The following PAFAH1B1 variants were observed in gnomAD, a reference collection of about 807,000 sequenced individuals.
PAFAH1B1 encodes the protein platelet activating factor acetylhydrolase 1b regulatory subunit 1.
In PAFAH1B1, 2 loss-of-function variants were observed where a neutral mutation model predicts 57.5. That is an observed-to-expected ratio of 0.03 (90% CI 0.01 to 0.11). The LOEUF (loss-of-function observed/expected upper bound fraction) is 0.11. PAFAH1B1 is among the 10% of genes least tolerant of loss of function. The pLI, the probability that PAFAH1B1 is intolerant of heterozygous loss-of-function variation, is 1.00. For synonymous variants in PAFAH1B1, 152 were observed against 169.6 expected, an observed-to-expected ratio of 0.90 and a Z score of 0.81; for missense variants, 257 against 512.0, an observed-to-expected ratio of 0.50 and a Z score of 4.81.
intron 2 of PAFAH1B1, among the ~76,000 whole-genome samples, chr17:2,652,070 T>A (rs1218088364): frequency 6.6e-6 from 1 of 152,216 alleles, no homozygotes; most frequent in African/African-American, 2.4e-5. Flanking sequence ...TACAATTATA[T>A]AGCTTGTATC....
intron 7 of PAFAH1B1, among the ~76,000 whole-genome samples, chr17:2,673,052 G>A (rs184422394): frequency 8.6e-5 from 13 of 151,934 alleles, no homozygotes; most frequent in Admixed American, 6.6e-4. Context: ...TGGGCAACAA[G>A]AGTGAGACTC....
chr17:2,665,357 G>A lies in PAFAH1B1; in HGVS notation c.33-15G>A, dbSNP rs1442743507. On this transcript the variant is annotated splice_polypyrimidine_tract_variant and intron_variant, in intron 2 of 10. Coordinates refer to ENST00000397195, the MANE Select transcript of PAFAH1B1 (RefSeq NM_000430.4). ...GAGGTCTTTTTTTTAGGAGTCATTTGAATTTTTCTTTCAGAAATCGAGCTA... is the reference window on the plus strand; with the variant it reads ...GAGGTCTTTTTTTTAGGAGTCATTTAAATTTTTCTTTCAGAAATCGAGCTA... 6.7e-7 allele frequency: 1 copy of A among 1,494,678 alleles called. No homozygotes were observed. Among genetic ancestry groups the A allele is most frequent in the East Asian group, 2.3e-5 (1 of 44,248 alleles). 92.6% of individuals were successfully genotyped at this position (1,494,678 alleles called of 1,614,324 possible). A position where few individuals can be genotyped will look rare whatever the true frequency, so the allele number is the denominator to read the frequency against.
At chr17:2,646,229 G>A (rs571353446) in intron 2 of PAFAH1B1, among the ~76,000 whole-genome samples, 1 of 152,032 alleles carries the variant, frequency 6.6e-6, no homozygotes, top group African/African-American at 2.4e-5. Context: ...TTTTTAAAAA[G>A]ACCAGTAAAA....
At chr17:2,659,075 A>G (rs1567551233) in intron 2 of PAFAH1B1, among the ~76,000 whole-genome samples, 1 of 151,932 alleles carries the variant, frequency 6.6e-6, no homozygotes, top group East Asian at 1.9e-4. Flanking sequence ...ACATGGCAAA[A>G]CCCCGTCTCT....
intron 9 of PAFAH1B1, among the ~76,000 whole-genome samples, chr17:2,679,349 AT>A (rs1567562636): frequency 5.7e-5 from 8 of 140,710 alleles, no homozygotes. Flanking sequence ...TGGATGGATG[AT>A]TAAATGGATG....
intron 9 of PAFAH1B1, among the ~76,000 whole-genome samples, chr17:2,677,014 G>A (rs1484863521): frequency 2.6e-5 from 4 of 152,160 alleles, no homozygotes; most frequent in South Asian, 2.1e-4. Flanking sequence ...TTAGCTGGGC[G>A]TGGTGGCGGG....
At chr17:2,658,075 A>C (rs2151651458) in intron 2 of PAFAH1B1, among the ~76,000 whole-genome samples, 2 of 152,298 alleles carry the variant, frequency 1.3e-5, no homozygotes, top group South Asian at 4.1e-4. Context: ...GTTGTAAATT[A>C]TGCTGAACAA....
In PAFAH1B1 at chr17:2,672,823, G is replaced by C. The variant is rs184798111; in HGVS notation, c.671+66G>C. The stretch of plus-strand genomic sequence containing the variant: ...AGTGGCTCACACCTGTCATCCCAGC[G>C]CTTTGGGAGGCCAAGGTGGGCAGAT... On this transcript the variant is annotated intron_variant, in intron 7 of 10. Coordinates refer to ENST00000397195, the MANE Select transcript of PAFAH1B1 (RefSeq NM_000430.4). The C allele has an allele frequency of 3.1e-6, 3 of 977,732 alleles. No individual in the cohort carries two copies. The African/African-American group carries it at 4.9e-5, about 16-fold the overall frequency. The allele number at this position is 977,732 out of a possible 1,614,324, so 60.6% of individuals were successfully genotyped here. A position where few individuals can be genotyped will look rare whatever the true frequency, so the allele number is the denominator to read the frequency against.
Position 2,680,251 on chromosome 17 carries a change from G to T in PAFAH1B1, c.1090G>T (p.Val364Leu), listed in dbSNP as rs768778197. ...LSCADDKTLR[V>L]WDYKNKRCMK... ...TTGTGCTGATGACAAGACCCTACGC[G>T]TATGGGATTACAAGAACAAGCGATG... Residue 364 changes from valine (V) to leucine (L), a missense_variant, in exon 10 of 11, where the codon GTA (valine) becomes TTA (leucine). Coordinates refer to ENST00000397195, the MANE Select transcript of PAFAH1B1 (RefSeq NM_000430.4). 1.2e-6 allele frequency: 2 copies of T among 1,614,046 alleles called. No individual in the cohort carries two copies. The highest frequency in any genetic ancestry group is 1.1e-5 in the South Asian group (1 of 91,082).
chr17:2,649,361 TAAG>T (rs1350614000), intron 2 of PAFAH1B1, among the ~76,000 whole-genome samples: 1 of 151,908 alleles, frequency 6.6e-6, no homozygotes, highest in Admixed American at 6.6e-5. Context: ...TCACCTAAGA[TAAG>T]GAGTTCAAGA....
At chr17:2,607,116 G>A (rs1331550550) in intron 1 of PAFAH1B1, among the ~76,000 whole-genome samples, 1 of 152,078 alleles carries the variant, frequency 6.6e-6, no homozygotes, top group Non-Finnish European at 1.5e-5. Flanking sequence ...GAGCCACCAC[G>A]CTTGGCCTAG....
rs958349891 is a variant in PAFAH1B1, at chr17:2,683,544, T to C, written c.*1742T>C. 3.3e-5 allele frequency: 5 copies of C among 152,264 alleles called. No homozygotes were observed. Among genetic ancestry groups the C allele is most frequent in the African/African-American group, 1.2e-4 (5 of 41,476 alleles). 9.4% of individuals were successfully genotyped at this position (152,264 alleles called of 1,614,324 possible). On this transcript the variant is annotated 3_prime_UTR_variant, in exon 11 of 11. Transcript: ENST00000397195. ...CGTATATTAACTAGAAGCAGCTTTA[T>C]GTCTAGCTTGTGTCTTTTTGTTTGT... is the stretch of plus-strand genomic sequence containing the variant.
chr17:2,623,950 C>A (rs2068456589), intron 1 of PAFAH1B1, among the ~76,000 whole-genome samples: 1 of 152,182 alleles, frequency 6.6e-6, no homozygotes, highest in Non-Finnish European at 1.5e-5. Context: ...GCTCTGCTTC[C>A]CTTTGAAAAC....
chr17:2,611,407 G>A (rs1418642466), intron 1 of PAFAH1B1, among the ~76,000 whole-genome samples: 1 of 151,754 alleles, frequency 6.6e-6, no homozygotes, highest in Admixed American at 6.6e-5. Context: ...GGCAGAGGTT[G>A]CAGTGAACCG....
chr17:2,644,123 T>C (rs1002786707), intron 2 of PAFAH1B1, among the ~76,000 whole-genome samples: 1 of 151,828 alleles, frequency 6.6e-6, no homozygotes, highest in African/African-American at 2.4e-5. Flanking sequence ...CCTCCCGAGT[T>C]GCTGGGATTA....
At position 2,684,643 on chromosome 17, in the gene PAFAH1B1, A is replaced by C. The variant is rs770807787; in HGVS notation, c.*2841A>C. The C allele has an allele frequency of 6.6e-6, 1 of 152,660 alleles. No homozygotes were observed. The highest frequency in any genetic ancestry group is 6.5e-5 in the Admixed American group (1 of 15,282). 9.5% of individuals were successfully genotyped at this position (152,660 alleles called of 1,614,324 possible). ...GGAGACTGGTTTAGACACCGCGTGG[A>C]GCCTAGTTGCCTGTTGTCACGGCAT... On this transcript the variant is annotated 3_prime_UTR_variant, in exon 11 of 11. Coordinates refer to ENST00000397195, the MANE Select transcript of PAFAH1B1 (RefSeq NM_000430.4).
chr17:2,665,397 C>T lies in PAFAH1B1; in HGVS notation c.58C>T (p.Arg20Cys). 6.2e-7 allele frequency: 1 copy of T among 1,606,260 alleles called. No individual in the cohort carries two copies. The change falls in exon 3 of 11, where the codon CGT becomes TGT. Residue 20 changes from arginine (R) to cysteine (C), a missense_variant. Arg to Cys is a radical substitution (Grantham distance 180, BLOSUM62 -3). Coordinates refer to ENST00000397195, the MANE Select transcript of PAFAH1B1 (RefSeq NM_000430.4). ...ELNRAIADYL[R>C]SNGYEEAYSV... ...AAATCGAGCTATAGCAGATTATCTT[C>T]GTTCAAATGGCTATGAAGAGGCATA...
chr17:2,607,308 G>T, intron 1 of PAFAH1B1, among the ~76,000 whole-genome samples: 1 of 151,820 alleles, frequency 6.6e-6, no homozygotes, highest in Non-Finnish European at 1.5e-5. Flanking sequence ...TGAGTAGCTG[G>T]GACTACAGGC....
intron 1 of PAFAH1B1, among the ~76,000 whole-genome samples, chr17:2,617,976 C>T (rs1372889679): frequency 2.2e-5 from 3 of 134,646 alleles, no homozygotes; most frequent in African/African-American, 5.6e-5. Context: ...AGGCCGGGTG[C>T]GGTGGCTCAC....
Sources: gnomAD v4.1 joint callset for allele counts (sites outside exome capture counted in the v4.1 genomes callset) on GRCh38, gnomAD v4.1.1 for gene constraint, MANE v1.5 for transcripts, NCBI Gene and HGNC (gene_info 2026-07-23, HGNC 2026-07-21) for gene names.